Variants in DGKH observed in about 807,000 individuals in gnomAD.
DGKH encodes the protein DAG kinase eta.
A neutral mutation model predicts 159.3 loss-of-function variants in DGKH; 90 were observed. The observed-to-expected ratio is 0.57, with a 90% confidence interval of 0.48 to 0.67. The LOEUF (loss-of-function observed/expected upper bound fraction) is 0.67, where lower values mean the gene tolerates loss of function less well. DGKH is among the 30% of genes least tolerant of loss of function. The pLI is 0.00. For synonymous variants in DGKH, 536 were observed against 553.8 expected (o/e 0.97, Z 0.45); for missense variants, 1,181 against 1,506.1 (o/e 0.78, Z 3.57).
chr13:42,112,985 G>A (rs1357561296), intron 1 of DGKH, among the ~76,000 whole-genome samples: 3 of 152,206 alleles, frequency 2.0e-5, no homozygotes, highest in African/African-American at 4.8e-5. Context: ...GTCTTCATCT[G>A]CAGTTGGATC....
intron 20 of DGKH, among the ~76,000 whole-genome samples, chr13:42,204,301 A>G (rs1957412018): frequency 1.3e-5 from 2 of 152,218 alleles, no homozygotes; most frequent in African/African-American, 4.8e-5. Flanking sequence ...AGTATTTCAT[A>G]TTTATTCATT....
intron 1 of DGKH, among the ~76,000 whole-genome samples, chr13:42,074,626 A>G (rs1278516981): frequency 6.7e-6 from 1 of 149,730 alleles, no homozygotes; most frequent in Non-Finnish European, 1.5e-5. Flanking sequence ...AAAACAGGCC[A>G]CTGTCTGTAT....
intron 1 of DGKH, among the ~76,000 whole-genome samples, chr13:42,094,784 A>G (rs940871380): frequency 5.9e-5 from 9 of 152,166 alleles, no homozygotes; most frequent in African/African-American, 2.2e-4. Flanking sequence ...AAAGAGTGCA[A>G]ATTGACAGAT....
At chr13:42,207,105 C>T (rs868168306) in intron 21 of DGKH, among the ~76,000 whole-genome samples, 1 of 126,782 alleles carries the variant, frequency 7.9e-6, no homozygotes, top group African/African-American at 3.1e-5. Context: ...TTCTTTCTTT[C>T]TTTCTTTCTC....
At chr13:42,047,885 T>C (rs982924497), upstream of DGKH, among the ~76,000 whole-genome samples, 4 of 152,002 alleles carry the variant, frequency 2.6e-5, no homozygotes, top group African/African-American at 7.3e-5. Flanking sequence ...CTGCGTGTAG[T>C]CTCTTGTTTC....
intron 22 of DGKH, 22 bp from the exon 23 acceptor site, chr13:42,209,309 A>G (rs756119108): frequency 2.5e-6 from 4 of 1,597,214 alleles, no homozygotes; most frequent in Middle Eastern, 1.7e-4. Flanking sequence ...TTTGTACTCT[A>G]AAATGATTTG....
intron 18 of DGKH, among the ~76,000 whole-genome samples, chr13:42,199,124 A>G (rs561399396): frequency 2.5e-4 from 38 of 152,328 alleles, no homozygotes; most frequent in Admixed American, 1.3e-3. Flanking sequence ...AACACCTGGA[A>G]GAATGGATTG....
rs1017388611 is a variant in DGKH at position 42,237,985 on chromosome 13, A to T, written c.*8797A>T. 6.6e-6 allele frequency: 1 copy of T among 152,218 alleles called. No homozygotes were observed. Among genetic ancestry groups the T allele is most frequent in the South Asian group, 2.1e-4 (1 of 4,826 alleles). The allele number at this position is 152,218 out of a possible 1,614,324, so 9.4% of individuals were successfully genotyped here. On this transcript the variant is annotated 3_prime_UTR_variant, in exon 30 of 30. Coordinates refer to ENST00000337343, the MANE Select transcript of DGKH (RefSeq NM_178009.5). ...AACAAAACAATTATTGAAATTCACA[A>T]TACCTAGAGATGGGAACATGGTTTA...
chr13:42,217,261 C>T (rs1957823687), intron 26 of DGKH, among the ~76,000 whole-genome samples: 1 of 152,142 alleles, frequency 6.6e-6, no homozygotes, highest in African/African-American at 2.4e-5. Context: ...TAGAGAATCT[C>T]CTTTTTTTTT....
At chr13:42,213,829 T>C (rs903273620) in intron 24 of DGKH, among the ~76,000 whole-genome samples, 1 of 152,184 alleles carries the variant, frequency 6.6e-6, no homozygotes, top group African/African-American at 2.4e-5. Context: ...TTTTCTCCTT[T>C]CTTGTCCTTG....
intron 1 of DGKH, chr13:42,070,364 G>A: frequency 7.0e-7 from 1 of 1,428,042 alleles, no homozygotes; most frequent in Non-Finnish European, 9.9e-7. Context: ...TCTAAAGTCA[G>A]CTGCATCTGT....
intron 3 of DGKH, 95 bp downstream of exon 3, chr13:42,129,727 T>G: frequency 8.7e-7 from 1 of 1,145,374 alleles, no homozygotes; most frequent in South Asian, 1.4e-5. Context: ...AAACTGTTGC[T>G]AACTTATGCA....
chr13:42,198,728 C>G, intron 18 of DGKH, 133 bp downstream of exon 18: 1 of 838,610 alleles, frequency 1.2e-6, no homozygotes, highest in Non-Finnish European at 1.9e-6. Context: ...CAGAAAATTA[C>G]AAAAGTTGAT....
In DGKH at chr13:42,219,435, G is replaced by A. The variant is rs574070733; in HGVS notation, c.3333+86G>A. On this transcript the variant is annotated intron_variant, in intron 27 of 29. Transcript: ENST00000337343. ...TCATCTTTGAAAAAGAGATATTTAGGGAAAAATGAATTTTGAATACTACTT... is the reference window on the plus strand; with the variant it reads ...TCATCTTTGAAAAAGAGATATTTAGAGAAAAATGAATTTTGAATACTACTT... The A allele has an allele frequency of 2.1e-5, 32 of 1,530,798 alleles. No individual in the cohort carries two copies. In the South Asian group the frequency reaches 3.8e-4, roughly 18 times the overall value. 94.8% of individuals were successfully genotyped at this position (1,530,798 alleles called of 1,614,324 possible). A position where few individuals can be genotyped will look rare whatever the true frequency, so the allele number is the denominator to read the frequency against.
intron 14 of DGKH, among the ~76,000 whole-genome samples, chr13:42,188,364 A>G (rs1197311229): frequency 6.6e-6 from 1 of 152,182 alleles, no homozygotes; most frequent in Non-Finnish European, 1.5e-5. Flanking sequence ...TGCCTAGTGC[A>G]TGCTTTTCTT....
chr13:42,118,428 A>G (rs1955003542), intron 1 of DGKH, among the ~76,000 whole-genome samples: 1 of 152,210 alleles, frequency 6.6e-6, no homozygotes, highest in Non-Finnish European at 1.5e-5. Flanking sequence ...GTGTTACCTA[A>G]TGCCATGGAT....
chr13:42,127,169 A>C (rs1170161), intron 1 of DGKH, among the ~76,000 whole-genome samples: 56,605 of 152,008 alleles, frequency 0.37, 10,993 homozygotes, highest in African/African-American at 0.45. Context: ...ACCATACTTA[A>C]TATATACAAG....
At chr13:42,226,939 A>T (rs1027308416) in intron 29 of DGKH, among the ~76,000 whole-genome samples, 3 of 152,032 alleles carry the variant, frequency 2.0e-5, no homozygotes, top group Non-Finnish European at 4.4e-5. Context: ...CATAAAAAGG[A>T]ACTGGATCAT....
chr13:42,048,791 C>A lies in DGKH; in HGVS notation c.18C>A (p.Gly6=). MAGAG[G]QHHPPGAAGG... The stretch of plus-strand genomic sequence containing the variant: ...CGGAGAGGATGGCAGGGGCCGGAGG[C>A]CAGCACCACCCTCCGGGCGCCGCTG... The change falls in exon 1 of 30, where the codon GGC becomes GGA. Residue 6 remains glycine (G), a synonymous_variant. Transcript: ENST00000337343. This position sits in a 1 kb window ranked among gnomAD's most constrained non-coding sequence, Gnocchi z 6.7. 7.6e-7 allele frequency: 1 copy of A among 1,310,782 alleles called. No individual in the cohort carries two copies. The highest frequency in any genetic ancestry group is 9.7e-7 in the Non-Finnish European group (1 of 1,025,766). 81.2% of individuals were successfully genotyped at this position (1,310,782 alleles called of 1,614,324 possible). A position where few individuals can be genotyped will look rare whatever the true frequency, so the allele number is the denominator to read the frequency against.
Sources: gnomAD v4.1 joint callset for allele counts (sites outside exome capture counted in the v4.1 genomes callset) on GRCh38, gnomAD v4.1.1 for gene constraint, Gnocchi (gnomAD v3.1) non-coding constraint, MANE v1.5 for transcripts, NCBI Gene and HGNC (gene_info 2026-07-23, HGNC 2026-07-21) for gene names.